Variants in NRXN1 observed in about 807,000 individuals in gnomAD.
NRXN1 encodes neurexin-1.
A neutral mutation model predicts 150.9 loss-of-function variants in NRXN1; 39 were observed. The ratio of observed to expected loss-of-function variants is 0.26; its 90% CI spans 0.20 to 0.34. NRXN1 has a LOEUF of 0.34. Among genes scored for constraint, NRXN1 ranks in the 10% least tolerant of loss-of-function variants. The probability of loss-of-function intolerance (pLI) is 1.00; values close to 1 mark genes in which losing one functional copy is unlikely to be tolerated. For missense variants in NRXN1, 1,815 were observed against 1,949.9 expected (o/e 0.93, Z 1.30); for synonymous variants, 924 against 757.0 (o/e 1.22, Z -3.62).
intron 2 of NRXN1, among the ~76,000 whole-genome samples, chr2:50,962,651 C>A (rs1310904000): frequency 6.6e-6 from 1 of 151,592 alleles, no homozygotes; most frequent in Admixed American, 6.6e-5. Flanking sequence ...GGTGACTTAA[C>A]TATTAGTTTT....
intron 2 of NRXN1, among the ~76,000 whole-genome samples, chr2:50,933,982 C>T (rs1688154753): frequency 6.6e-6 from 1 of 152,098 alleles, no homozygotes; most frequent in African/African-American, 2.4e-5. Context: ...GGCAAGTCTG[C>T]ATTTCTACCA....
intron 18 of NRXN1, among the ~76,000 whole-genome samples, chr2:50,108,717 A>G (rs1701992022): frequency 6.6e-6 from 1 of 152,144 alleles, no homozygotes; most frequent in African/African-American, 2.4e-5. Context: ...TCTACCTCAA[A>G]CCAACTGCCA....
At chr2:50,607,368 G>A (rs574254291) in intron 8 of NRXN1, among the ~76,000 whole-genome samples, 1 of 152,064 alleles carries the variant, frequency 6.6e-6, no homozygotes, top group Non-Finnish European at 1.5e-5. Flanking sequence ...GAGAGGTGCC[G>A]TACTTCATGG....
chr2:50,578,409 A>T (rs980972614), intron 8 of NRXN1, among the ~76,000 whole-genome samples: 8 of 152,158 alleles, frequency 5.3e-5, no homozygotes, highest in African/African-American at 1.7e-4. Context: ...TTTTTAAAAA[A>T]TTTGTTTTGA....
intron 17 of NRXN1, among the ~76,000 whole-genome samples, chr2:50,339,812 T>C (rs953360184): frequency 5.3e-5 from 8 of 152,220 alleles, no homozygotes; most frequent in Admixed American, 2.6e-4. Flanking sequence ...ATAAAATTCC[T>C]TCCACTGAAA....
chr2:50,323,592 T>TATATAA (rs1553443933), intron 17 of NRXN1, among the ~76,000 whole-genome samples: 3 of 150,280 alleles, frequency 2.0e-5, no homozygotes, highest in African/African-American at 4.9e-5. Context: ...TATATATATA[T>TATATAA]AACTTAGCAG....
At chr2:50,689,950 G>T (rs193185333) in intron 5 of NRXN1, among the ~76,000 whole-genome samples, 6 of 150,800 alleles carry the variant, frequency 4.0e-5, no homozygotes, top group African/African-American at 1.5e-4. Context: ...GCAATGGTGC[G>T]ATCTCGGCTC....
At chr2:50,640,995 T>C (rs1683998098) in intron 5 of NRXN1, among the ~76,000 whole-genome samples, 1 of 152,266 alleles carries the variant, frequency 6.6e-6, no homozygotes, top group Admixed American at 6.5e-5. Context: ...TGAAACAGTT[T>C]AAGAGAAAAG....
chr2:49,976,936 A>C (rs1679094162), intron 21 of NRXN1, among the ~76,000 whole-genome samples: 1 of 152,192 alleles, frequency 6.6e-6, no homozygotes, highest in Non-Finnish European at 1.5e-5. Context: ...TGGCCAAGCT[A>C]AACTTGAATT....
chr2:50,339,351 T>G (rs535181364), intron 17 of NRXN1, among the ~76,000 whole-genome samples: 1 of 152,226 alleles, frequency 6.6e-6, no homozygotes, highest in South Asian at 2.1e-4. Flanking sequence ...TTAAAAAATG[T>G]AGGTCACATT....
intron 17 of NRXN1, among the ~76,000 whole-genome samples, chr2:50,291,135 G>A (rs4142513): frequency 5.6e-5 from 8 of 143,896 alleles, no homozygotes; most frequent in South Asian, 2.2e-4. Flanking sequence ...CACAGAAGTT[G>A]AAAAAAAAAA....
rs1409603536 is a variant in NRXN1, at chr2:49,921,162, C to A, written c.*782G>T. On this transcript the variant is annotated 3_prime_UTR_variant, in exon 23 of 23. Transcript: ENST00000401669. Reference sequence around the variant, plus strand: ...ACAGGCTATAAAACGTCACTTATCACAGTCCAGAAAGCACACAGAGATGGA... The same window carrying A: ...ACAGGCTATAAAACGTCACTTATCAAAGTCCAGAAAGCACACAGAGATGGA... 2.0e-5 allele frequency: 3 copies of A among 152,588 alleles called. No individual in the cohort carries two copies. The highest frequency in any genetic ancestry group is 4.4e-5 in the Non-Finnish European group (3 of 68,022). The allele number at this position is 152,588 out of a possible 1,614,324, so 9.5% of individuals were successfully genotyped here. A position where few individuals can be genotyped will look rare whatever the true frequency, so the allele number is the denominator to read the frequency against.
chr2:50,738,443 A>C (rs1341158253), intron 5 of NRXN1, among the ~76,000 whole-genome samples: 1 of 152,208 alleles, frequency 6.6e-6, no homozygotes, highest in Non-Finnish European at 1.5e-5. Context: ...ATTTATTCAG[A>C]ACTGAAATAA....
At chr2:50,248,309 C>G (rs77631840) in intron 17 of NRXN1, among the ~76,000 whole-genome samples, 2,701 of 152,190 alleles carry the variant, frequency 0.018, 70 homozygotes, top group African/African-American at 0.062. Flanking sequence ...CTATAGTGTA[C>G]AATTTAGAAT....
chr2:50,193,806 A>G (rs1472643619), intron 18 of NRXN1, among the ~76,000 whole-genome samples: 1 of 152,196 alleles, frequency 6.6e-6, no homozygotes, highest in Non-Finnish European at 1.5e-5. Flanking sequence ...TGTGGTCACA[A>G]AACTATCTCA....
At chr2:50,698,841 G>A (rs1352380399) in intron 5 of NRXN1, among the ~76,000 whole-genome samples, 1 of 152,104 alleles carries the variant, frequency 6.6e-6, no homozygotes. Flanking sequence ...TGAAATGTCT[G>A]TCTGTTTCTC....
chr2:50,128,752 G>T (rs1434942231), intron 18 of NRXN1, among the ~76,000 whole-genome samples: 1 of 152,030 alleles, frequency 6.6e-6, no homozygotes, highest in Non-Finnish European at 1.5e-5. Context: ...GGGAGCTGAG[G>T]GGGGTGGATC....
At chr2:50,088,499 T>G (rs150090454) in intron 19 of NRXN1, among the ~76,000 whole-genome samples, 2 of 152,308 alleles carry the variant, frequency 1.3e-5, no homozygotes, top group Admixed American at 1.3e-4. Context: ...TCAGAATAAT[T>G]GCAACTTTGC....
chr2:50,384,254 C>T (rs1261256726), intron 17 of NRXN1, among the ~76,000 whole-genome samples: 1 of 152,052 alleles, frequency 6.6e-6, no homozygotes, highest in Non-Finnish European at 1.5e-5. Flanking sequence ...TGCCTGTAAT[C>T]CCAGCACTTT....
Sources: allele counts gnomAD v4.1 joint callset (sites outside exome capture counted in the v4.1 genomes callset), GRCh38; gene constraint gnomAD v4.1.1; transcripts MANE v1.5; gene names NCBI Gene and HGNC (gene_info 2026-07-23, HGNC 2026-07-21).